PTDSS1: variants seen among roughly 807,000 people sequenced by gnomAD.
PTDSS1 encodes the protein phosphatidylserine synthase 1, also known as PSS-1.
PTDSS1 carries 45 observed loss-of-function variants against 70.5 expected under a neutral mutation model. That is an observed-to-expected ratio of 0.64 (90% confidence interval 0.50 to 0.82). PTDSS1 has a LOEUF of 0.82. Ranked by LOEUF, PTDSS1 falls within the 40% of genes least tolerant of loss-of-function variation. The pLI is 0.00. For synonymous variants in PTDSS1, 188 were observed against 203.8 expected (o/e 0.92, Z 0.66); for missense variants, 417 against 586.1 (o/e 0.71, Z 2.98).
chr8:96,307,262 T>C (rs1016720504), intron 8 of PTDSS1, among the ~76,000 whole-genome samples: 1 of 152,066 alleles, frequency 6.6e-6, no homozygotes, highest in Non-Finnish European at 1.5e-5. Flanking sequence ...CTGCCAAAGG[T>C]ACAAATATAA....
intron 2 of PTDSS1, among the ~76,000 whole-genome samples, chr8:96,283,153 C>T (rs1810766804): frequency 6.6e-6 from 1 of 152,216 alleles, no homozygotes; most frequent in African/African-American, 2.4e-5. Context: ...TTTACTGTCA[C>T]TAGCTCCTGA....
chr8:96,315,379 G>A (rs1400089268), intron 9 of PTDSS1, among the ~76,000 whole-genome samples: 3 of 152,184 alleles, frequency 2.0e-5, no homozygotes, highest in Non-Finnish European at 4.4e-5. Context: ...CATGTCCATG[G>A]CATTCCTGTG....
chr8:96,270,196 T>C (rs1216625196), intron 1 of PTDSS1, among the ~76,000 whole-genome samples: 1 of 152,118 alleles, frequency 6.6e-6, no homozygotes, highest in Non-Finnish European at 1.5e-5. Flanking sequence ...CAGATTATGA[T>C]CATTTCCTGC....
At chr8:96,307,737 C>T (rs752536106) in intron 8 of PTDSS1, among the ~76,000 whole-genome samples, 2 of 152,004 alleles carry the variant, frequency 1.3e-5, no homozygotes, top group East Asian at 1.9e-4. Flanking sequence ...AAAGATTTAC[C>T]GCAGCTCTTT....
intron 1 of PTDSS1, among the ~76,000 whole-genome samples, chr8:96,271,859 G>A (rs1445180588): frequency 7.9e-5 from 12 of 151,104 alleles, no homozygotes; most frequent in South Asian, 2.1e-4. Context: ...TCCTTTGCCC[G>A]TTTTTCAATA....
intron 6 of PTDSS1, among the ~76,000 whole-genome samples, chr8:96,302,620 C>T (rs568977900): frequency 5.5e-4 from 83 of 152,208 alleles, no homozygotes; most frequent in South Asian, 1.5e-3. Flanking sequence ...CTCACTCTGT[C>T]GCCTAGGCTG....
At chr8:96,267,115 T>C (rs144531332) in intron 1 of PTDSS1, among the ~76,000 whole-genome samples, 1 of 152,350 alleles carries the variant, frequency 6.6e-6, no homozygotes, top group African/African-American at 2.4e-5. Context: ...TATTACCAGA[T>C]GTAACACAAT....
At chr8:96,265,281 T>C (rs1018775156) in intron 1 of PTDSS1, among the ~76,000 whole-genome samples, 29 of 152,314 alleles carry the variant, frequency 1.9e-4, no homozygotes, top group Middle Eastern at 3.4e-3. Context: ...TTTTGGGATG[T>C]CATATAACCA....
chr8:96,291,194 C>T (rs1490783841), intron 4 of PTDSS1, among the ~76,000 whole-genome samples: 1 of 151,942 alleles, frequency 6.6e-6, no homozygotes, highest in Non-Finnish European at 1.5e-5. Context: ...CCTCTTAGAG[C>T]TTAGAGTCTA....
intron 5 of PTDSS1, among the ~76,000 whole-genome samples, chr8:96,296,766 G>T (rs1810982047): frequency 6.6e-6 from 1 of 152,206 alleles, no homozygotes; most frequent in African/African-American, 2.4e-5. Context: ...TGCTTCCTTA[G>T]GTGAGTTAGG....
At position 96,306,471 on chromosome 8, in the gene PTDSS1, A is replaced by G. The variant is rs1811126321; in HGVS notation, c.922A>G (p.Lys308Glu). 1 of 1,613,978 alleles carries G rather than the reference A, an allele frequency of 6.2e-7. No individual in the cohort carries two copies. Among genetic ancestry groups the G allele is most frequent in the Non-Finnish European group, 8.5e-7 (1 of 1,179,964 alleles). Residue 308 changes from lysine to glutamate, a missense_variant, in exon 8 of 13, where the codon AAG (lysine) becomes GAG (glutamate). This residue lies in a region of PTDSS1 where 272 missense variants were observed against 429.5 expected (regional missense o/e 0.63). Coordinates refer to ENST00000517309, the MANE Select transcript of PTDSS1 (RefSeq NM_014754.3). ...GACTGAGTTGAATACCTTCTTCTTG[A>G]AGCATATCTTTGTGTTCCAAGCCAG... ...QLTELNTFFL[K>E]HIFVFQASHP... is the part of the protein sequence containing the mutation.
rs1218683875 is a variant in PTDSS1 at position 96,304,110 on chromosome 8, G to T, written c.823G>T (p.Val275Phe). 6.2e-7 allele frequency: 1 copy of T among 1,613,780 alleles called. No individual in the cohort carries two copies. Residue 275 changes from valine to phenylalanine, a missense_variant, in exon 7 of 13, where the codon GTT becomes TTT. Val to Phe is a conservative substitution (Grantham distance 50). Around this residue, in one of 3 missense-constraint regions of PTDSS1, gnomAD observed 272 missense variants for 429.5 expected, o/e 0.63. Coordinates refer to ENST00000517309, the MANE Select transcript of PTDSS1 (RefSeq NM_014754.3). ...GTTCACTCCTGCTAGCTGGACCTAT[G>T]TTCGATGGTTTGACCCCAAATCTTC... is the stretch of plus-strand genomic sequence containing the variant. ...LQFTPASWTY[V>F]RWFDPKSSFQ... is the part of the protein sequence containing the mutation.
At chr8:96,311,154 C>T (rs1236497899) in intron 9 of PTDSS1, among the ~76,000 whole-genome samples, 1 of 152,092 alleles carries the variant, frequency 6.6e-6, no homozygotes, top group African/African-American at 2.4e-5. Flanking sequence ...AATGTGAGAC[C>T]CTCTTGAATA....
intron 1 of PTDSS1, among the ~76,000 whole-genome samples, chr8:96,263,765 A>G (rs959792700): frequency 1.3e-5 from 2 of 152,224 alleles, no homozygotes; most frequent in African/African-American, 4.8e-5. Flanking sequence ...ACAGCGCTGT[A>G]CAACATAAAG....
rs556454099 is a variant in PTDSS1 at position 96,310,912 on chromosome 8, C to T, written c.1073+1290C>T. 1.1e-4 allele frequency among the ~76,000 whole-genome samples: 16 copies of T among 152,044 alleles called. No individual in the cohort carries two copies. The East Asian group carries it at 1.4e-3, about 13-fold the overall frequency. On this transcript the variant is annotated intron_variant, in intron 9 of 12. Coordinates refer to ENST00000517309, the MANE Select transcript of PTDSS1 (RefSeq NM_014754.3). ...CCCCAAGTAGCTGGGACTACAGGCG[C>T]GTGCCACCACACCCAGCTAATTTTT...
intron 9 of PTDSS1, among the ~76,000 whole-genome samples, chr8:96,319,313 A>G (rs1811341746): frequency 6.6e-6 from 1 of 152,168 alleles, no homozygotes; most frequent in South Asian, 2.1e-4. Flanking sequence ...CTTGTCTAAA[A>G]TCAGTATTCA....
At chr8:96,309,886 G>A (rs539588390) in intron 9 of PTDSS1, among the ~76,000 whole-genome samples, 2 of 152,030 alleles carry the variant, frequency 1.3e-5, no homozygotes, top group South Asian at 4.2e-4. Context: ...ATTTTGGCCG[G>A]GTGCAGTGGC....
intron 10 of PTDSS1, 39 bp downstream of exon 10, chr8:96,320,384 T>C (rs769132404): frequency 1.3e-6 from 2 of 1,500,066 alleles, no homozygotes; most frequent in Non-Finnish European, 1.9e-6. Context: ...TTAGCTAAAC[T>C]CTCATAGTAT....
At chr8:96,285,422 G>GA (rs60670269) in intron 3 of PTDSS1, among the ~76,000 whole-genome samples, 13,524 of 152,164 alleles carry the variant, frequency 0.089, 1,928 homozygotes, top group African/African-American at 0.3. Context: ...AGCAGGGCAT[G>GA]AAGGGCAGGG....
Sources: allele counts gnomAD v4.1 joint callset (sites outside exome capture counted in the v4.1 genomes callset), GRCh38; gene constraint gnomAD v4.1.1; regional missense constraint gnomAD v4.1.1; transcripts MANE v1.5; gene names NCBI Gene and HGNC (gene_info 2026-07-23, HGNC 2026-07-21).